KIF21A: variants seen among roughly 807,000 people sequenced by gnomAD.
KIF21A encodes kinesin-like protein KIF21A.
A neutral mutation model predicts 202.9 loss-of-function variants in KIF21A; 114 were observed. The ratio of observed to expected loss-of-function variants is 0.56; its 90% confidence interval spans 0.48 to 0.66. The LOEUF (loss-of-function observed/expected upper bound fraction) is 0.66. KIF21A is among the 30% of genes least tolerant of loss of function. The pLI is 0.00. For synonymous variants in KIF21A, 667 were observed against 670.8 expected, an observed-to-expected ratio of 0.99 and a Z score of 0.09; for missense variants, 1,677 against 1,994.9, an observed-to-expected ratio of 0.84 and a Z score of 3.04.
intron 3 of KIF21A, 113 bp downstream of exon 3, chr12:39,369,616 T>C (rs1278031103): frequency 2.6e-6 from 2 of 765,770 alleles, no homozygotes; most frequent in East Asian, 5.0e-5. Context: ...TCAAACAACA[T>C]TTATTGAGTA....
chr12:39,416,737 GTATATATATA>G (rs765759023), intron 1 of KIF21A, among the ~76,000 whole-genome samples: 2 of 73,958 alleles, frequency 2.7e-5, no homozygotes, highest in African/African-American at 1.1e-4. Flanking sequence ...ATATATATGT[GTATATATATA>G]TGTACATATA....
At chr12:39,380,216 C>A (rs1950529042) in intron 1 of KIF21A, among the ~76,000 whole-genome samples, 1 of 152,244 alleles carries the variant, frequency 6.6e-6, no homozygotes, top group South Asian at 2.1e-4. Context: ...AATCCGCCTG[C>A]CTCAGCCTCC....
chr12:39,318,980 CAA>C (rs547322135), intron 28 of KIF21A, among the ~76,000 whole-genome samples: 17 of 86,330 alleles, frequency 2.0e-4, no homozygotes, highest in African/African-American at 8.6e-5. Context: ...GACTCCGTCT[CAA>C]AAAAAAAAAA....
intron 15 of KIF21A, 139 bp from the exon 16 acceptor site, chr12:39,340,503 TTC>T (rs1353227066): frequency 3.0e-6 from 2 of 660,580 alleles, no homozygotes; most frequent in African/African-American, 3.7e-5. Flanking sequence ...CTTTCAATCA[TTC>T]TCTCTTTTAT....
At chr12:39,305,230 G>A (rs1415349762) in intron 34 of KIF21A, among the ~76,000 whole-genome samples, 1 of 151,884 alleles carries the variant, frequency 6.6e-6, no homozygotes, top group African/African-American at 2.4e-5. Flanking sequence ...GCCGGATGTG[G>A]TGGTGGGTGC....
At chr12:39,303,175 G>A (rs1943129356) in intron 35 of KIF21A, 40 bp from the exon 36 acceptor site, 1 of 1,552,468 alleles carries the variant, frequency 6.4e-7, no homozygotes, top group East Asian at 2.2e-5. Flanking sequence ...TATTTAACTT[G>A]CAAATAAACA....
chr12:39,404,845 G>A (rs1451953271), intron 1 of KIF21A, among the ~76,000 whole-genome samples: 8 of 152,122 alleles, frequency 5.3e-5, no homozygotes, highest in Admixed American at 4.6e-4. Flanking sequence ...TATAAAATTA[G>A]TGATACCTTC....
chr12:39,433,981 A>G (rs9788186), intron 1 of KIF21A, among the ~76,000 whole-genome samples: 100,775 of 152,170 alleles, frequency 0.66, 35,929 homozygotes, highest in African/African-American at 0.91. Context: ...TTGTACATCA[A>G]AGAATAACTA....
intron 37 of KIF21A, among the ~76,000 whole-genome samples, chr12:39,299,656 G>A (rs1942773025): frequency 6.6e-6 from 1 of 152,102 alleles, no homozygotes; most frequent in Admixed American, 6.5e-5. Context: ...GCACACAAAT[G>A]TTCATAACAG....
At chr12:39,439,884 T>C (rs1423333623) in intron 1 of KIF21A, among the ~76,000 whole-genome samples, 1 of 152,192 alleles carries the variant, frequency 6.6e-6, no homozygotes, top group Non-Finnish European at 1.5e-5. Context: ...TCTTGAGAAA[T>C]CTACAATAGA....
At chr12:39,327,615 C>T (rs1204070037) in intron 24 of KIF21A, among the ~76,000 whole-genome samples, 3 of 152,188 alleles carry the variant, frequency 2.0e-5, no homozygotes. Flanking sequence ...GTAAAAAGCT[C>T]TTAACTCCTG....
In KIF21A at chr12:39,357,385, T is replaced by C; in HGVS notation, c.1268A>G (p.His423Arg). The C allele has an allele frequency of 6.2e-7, 1 of 1,614,154 alleles. No individual in the cohort carries two copies. Among genetic ancestry groups the C allele is most frequent in the Non-Finnish European group, 8.5e-7 (1 of 1,179,972 alleles). ...TTCAGTCTGTAGCATAGCATTCTCA[T>C]GAAACATGTCATTGATGCTTTCCAC... is the stretch of plus-strand genomic sequence containing the variant. ...EGVESINDMFHENAMLQTENN... is the reference protein window; with the variant it reads ...EGVESINDMFRENAMLQTENN... Residue 423 changes from histidine to arginine, a missense_variant, in exon 9 of 38, where the codon CAT (histidine) becomes CGT (arginine). By Grantham distance (29) the His-to-Arg change is conservative (BLOSUM62 0). Coordinates refer to ENST00000361418, the MANE Select transcript of KIF21A (RefSeq NM_001173464.2).
chr12:39,341,377 C>T, intron 14 of KIF21A, 128 bp downstream of exon 14: 2 of 876,420 alleles, frequency 2.3e-6, no homozygotes, highest in South Asian at 1.6e-5. Context: ...CCTTGGAAGG[C>T]AAATGTAGGT....
chr12:39,430,687 T>TG (rs1160339016), intron 1 of KIF21A, among the ~76,000 whole-genome samples: 1 of 152,236 alleles, frequency 6.6e-6, no homozygotes, highest in Admixed American at 6.5e-5. Context: ...TTGGTGTGTG[T>TG]GTTTCATGTC....
At chr12:39,310,719 C>T (rs758165130) in intron 32 of KIF21A, among the ~76,000 whole-genome samples, 1 of 152,014 alleles carries the variant, frequency 6.6e-6, no homozygotes, top group Non-Finnish European at 1.5e-5. Context: ...TTGTCAAAGC[C>T]TTCCTTGTTT....
In KIF21A at chr12:39,309,591, T is replaced by G. The variant is rs1416494976; in HGVS notation, c.4272A>C (p.Thr1424=). 1.9e-6 allele frequency: 3 copies of G among 1,609,172 alleles called. No individual in the cohort carries two copies. ...TATGTCTTCAAGTTACTTACGTTAG[T>G]GTTCGAATGCACTTTGCTGAATCTC... ...DIRDSAKCIR[T]LTSSGQVTLG... is the part of the protein sequence containing the mutation. Residue 1424 remains threonine, a synonymous_variant, in exon 33 of 38, where the codon ACA becomes ACC. Transcript: ENST00000361418.
At chr12:39,415,552 C>T (rs528280438) in intron 1 of KIF21A, among the ~76,000 whole-genome samples, 8 of 152,140 alleles carry the variant, frequency 5.3e-5, no homozygotes, top group African/African-American at 1.7e-4. Context: ...CCGCCGCGCC[C>T]GGCCGAGAAT....
At chr12:39,398,124 C>G (rs1951893758) in intron 1 of KIF21A, among the ~76,000 whole-genome samples, 1 of 152,146 alleles carries the variant, frequency 6.6e-6, no homozygotes, top group Non-Finnish European at 1.5e-5. Flanking sequence ...TATGGTACAA[C>G]AATGTTGTAT....
At chr12:39,405,309 G>T (rs1290348824) in intron 1 of KIF21A, among the ~76,000 whole-genome samples, 3 of 151,986 alleles carry the variant, frequency 2.0e-5, no homozygotes, top group Non-Finnish European at 4.4e-5. Flanking sequence ...CCAAGACTGT[G>T]CCATTACACT....
Sources: gnomAD v4.1 joint callset for allele counts (sites outside exome capture counted in the v4.1 genomes callset) on GRCh38, gnomAD v4.1.1 for gene constraint, MANE v1.5 for transcripts, NCBI Gene and HGNC (gene_info 2026-07-23, HGNC 2026-07-21) for gene names.